GRIK3: variants seen among roughly 807,000 people sequenced by gnomAD.
GRIK3 encodes the protein glutamate ionotropic receptor kainate type subunit 3, also known as glutamate receptor ionotropic, kainate 3.
In GRIK3, 29 loss-of-function variants were observed where a neutral mutation model predicts 102.5. That is an observed-to-expected ratio of 0.28 (90% CI 0.21 to 0.39). GRIK3 has a LOEUF of 0.39. Among genes scored for constraint, GRIK3 ranks in the 10% least tolerant of loss-of-function variants. The pLI, the probability that GRIK3 is intolerant of heterozygous loss-of-function variation, is 1.00. For synonymous variants in GRIK3, 511 were observed against 504.9 expected, an observed-to-expected ratio of 1.01 and a Z score of -0.16; for missense variants, 908 against 1,252.4, an observed-to-expected ratio of 0.73 and a Z score of 4.15.
intron 10 of GRIK3, among the ~76,000 whole-genome samples, chr1:36,840,181 A>C (rs1250447094): frequency 6.6e-6 from 1 of 151,382 alleles, no homozygotes; most frequent in African/African-American, 2.5e-5. Context: ...ATGGGTGTTA[A>C]TAACAGTACC....
chr1:37,032,718 C>T (rs1196234194), intron 1 of GRIK3, among the ~76,000 whole-genome samples: 2 of 152,316 alleles, frequency 1.3e-5, no homozygotes, highest in Middle Eastern at 6.8e-3. Context: ...CGAAAGATCT[C>T]AGCGTGGGCA....
At chr1:36,943,264 AG>A (rs374205011) in intron 1 of GRIK3, among the ~76,000 whole-genome samples, 4 of 152,272 alleles carry the variant, frequency 2.6e-5, no homozygotes, top group African/African-American at 9.6e-5. Flanking sequence ...AAACATGAAA[AG>A]AAGCATGTGG....
At chr1:36,981,081 A>G (rs1478838765) in intron 1 of GRIK3, among the ~76,000 whole-genome samples, 2 of 152,240 alleles carry the variant, frequency 1.3e-5, no homozygotes, top group Non-Finnish European at 2.9e-5. Flanking sequence ...CAACACATTA[A>G]ACAGATGGAG....
At chr1:36,963,205 C>T (rs1642034528) in intron 1 of GRIK3, among the ~76,000 whole-genome samples, 1 of 152,216 alleles carries the variant, frequency 6.6e-6, no homozygotes, top group Non-Finnish European at 1.5e-5. Context: ...TCCACTCCAT[C>T]AGGCTGGCAG....
intron 1 of GRIK3, among the ~76,000 whole-genome samples, chr1:37,015,039 C>T (rs1215013881): frequency 6.6e-6 from 1 of 151,848 alleles, no homozygotes; most frequent in African/African-American, 2.4e-5. Flanking sequence ...TACATTGGTT[C>T]ATTCAGGGGT....
chr1:36,964,712 C>T (rs1356779986), intron 1 of GRIK3, among the ~76,000 whole-genome samples: 1 of 152,172 alleles, frequency 6.6e-6, no homozygotes, highest in East Asian at 1.9e-4. Flanking sequence ...CATTCATGTC[C>T]TTTCCACTAC....
intron 10 of GRIK3, among the ~76,000 whole-genome samples, chr1:36,826,289 C>T (rs150391467): frequency 1.0e-3 from 159 of 152,350 alleles, no homozygotes; most frequent in Non-Finnish European, 1.7e-3. Flanking sequence ...CACTTCTTGA[C>T]TGCTTCACCA....
chr1:36,817,105 G>T lies in GRIK3; in HGVS notation c.2046C>A (p.Ile682=), dbSNP rs766198631. Residue 682 remains isoleucine, a synonymous_variant, in exon 13 of 16, where the codon ATC becomes ATA. Coordinates refer to ENST00000373091, the MANE Select transcript of GRIK3 (RefSeq NM_000831.4). The stretch of plus-strand genomic sequence containing the variant: ...CCCCATCCTTGACAGCCCCATACTC[G>T]ATTTTGGTTTGCTTGGCCAGGTCAT... The part of the protein sequence containing the change: ...SADDLAKQTK[I]EYGAVKDGAT... 16 of 1,614,020 alleles carry T rather than the reference G, an allele frequency of 9.9e-6. 1 individual carries two copies. The Admixed American group carries it at 2.7e-4, about 27-fold the overall frequency.
At chr1:36,915,785 T>A (rs1044715782) in intron 1 of GRIK3, among the ~76,000 whole-genome samples, 1 of 152,192 alleles carries the variant, frequency 6.6e-6, no homozygotes, top group African/African-American at 2.4e-5. Flanking sequence ...CCCAGCCACA[T>A]GGAACTGTAA....
intron 13 of GRIK3, among the ~76,000 whole-genome samples, chr1:36,808,046 C>T (rs1224243296): frequency 6.6e-6 from 1 of 152,236 alleles, no homozygotes; most frequent in Non-Finnish European, 1.5e-5. Flanking sequence ...GCTCTCCGCT[C>T]TCCCACTTCC....
chr1:36,873,587 C>T (rs970615491), intron 3 of GRIK3, among the ~76,000 whole-genome samples: 4 of 152,090 alleles, frequency 2.6e-5, no homozygotes, highest in African/African-American at 9.7e-5. Context: ...TAGTCATCCC[C>T]AGGACTCAGT....
At chr1:36,871,188 A>G (rs1640838845) in intron 4 of GRIK3, among the ~76,000 whole-genome samples, 1 of 152,172 alleles carries the variant, frequency 6.6e-6, no homozygotes, top group Admixed American at 6.5e-5. Context: ...AGGGCACACA[A>G]CGTGAAAGGG....
intron 1 of GRIK3, among the ~76,000 whole-genome samples, chr1:37,015,718 T>C (rs1214638465): frequency 6.6e-6 from 1 of 152,102 alleles, no homozygotes; most frequent in Non-Finnish European, 1.5e-5. Flanking sequence ...CAACTCCGGC[T>C]CCAGCAGAAG....
At chr1:37,010,789 C>G (rs910931249) in intron 1 of GRIK3, among the ~76,000 whole-genome samples, 1 of 141,914 alleles carries the variant, frequency 7.0e-6, no homozygotes, top group African/African-American at 2.7e-5. Flanking sequence ...GGCCGGACTG[C>G]GGACTGCAGT....
At chr1:36,918,768 C>T (rs1448131245) in intron 1 of GRIK3, among the ~76,000 whole-genome samples, 1 of 152,188 alleles carries the variant, frequency 6.6e-6, no homozygotes, top group Non-Finnish European at 1.5e-5. Flanking sequence ...GATGTGCTGC[C>T]TAGTCTTGCA....
chr1:36,825,210 C>A (rs2124197452), intron 11 of GRIK3, among the ~76,000 whole-genome samples: 1 of 152,256 alleles, frequency 6.6e-6, no homozygotes, highest in East Asian at 1.9e-4. Context: ...GATAGACACA[C>A]CCTGTTTTCC....
intron 2 of GRIK3, among the ~76,000 whole-genome samples, chr1:36,888,493 T>C (rs1347309191): frequency 2.0e-5 from 3 of 152,154 alleles, no homozygotes; most frequent in South Asian, 4.1e-4. Context: ...CTGTTTCTTA[T>C]AAACTCATGC....
intron 5 of GRIK3, among the ~76,000 whole-genome samples, chr1:36,866,891 A>G (rs770616116): frequency 3.5e-4 from 53 of 152,212 alleles, no homozygotes; most frequent in Non-Finnish European, 5.0e-4. Flanking sequence ...ATCCATCCAG[A>G]CATTAATGAG....
intron 1 of GRIK3, among the ~76,000 whole-genome samples, chr1:36,902,233 C>T (rs971468102): frequency 1.3e-5 from 2 of 152,216 alleles, no homozygotes; most frequent in Non-Finnish European, 2.9e-5. Context: ...CAAATTGATT[C>T]TAAAGTGTAC....
Sources: gnomAD v4.1 joint callset for allele counts (sites outside exome capture counted in the v4.1 genomes callset) on GRCh38, gnomAD v4.1.1 for gene constraint, MANE v1.5 for transcripts, NCBI Gene and HGNC (gene_info 2026-07-23, HGNC 2026-07-21) for gene names.